The following RNF2 variants were observed in gnomAD, a reference collection of about 807,000 sequenced individuals.
RNF2 encodes the protein E3 ubiquitin-protein ligase RING2.
A neutral mutation model predicts 37.2 loss-of-function variants in RNF2; 6 were observed. That is an observed-to-expected ratio of 0.16 (90% confidence interval 0.09 to 0.32). RNF2 has a LOEUF of 0.32. Among genes scored for constraint, RNF2 ranks in the 10% least tolerant of loss-of-function variants. The pLI is 1.00. For synonymous variants in RNF2, 133 were observed against 132.7 expected (o/e 1.00, Z -0.02); for missense variants, 251 against 404.0 (o/e 0.62, Z 3.25).
intron 1 of RNF2, among the ~76,000 whole-genome samples, chr1:185,073,646 T>A (rs1428786191): frequency 6.6e-6 from 1 of 152,206 alleles, no homozygotes; most frequent in African/African-American, 2.4e-5. Context: ...ATACTGTGGT[T>A]CTAAGGGCTG....
chr1:185,064,074 C>G (rs755483813), intron 1 of RNF2, among the ~76,000 whole-genome samples: 1 of 152,124 alleles, frequency 6.6e-6, no homozygotes, highest in Non-Finnish European at 1.5e-5. Flanking sequence ...CTTTGGGGAC[C>G]TATTATTCAC....
At chr1:185,065,848 G>C (rs867075940) in intron 1 of RNF2, among the ~76,000 whole-genome samples, 10 of 152,126 alleles carry the variant, frequency 6.6e-5, no homozygotes, top group African/African-American at 2.2e-4. Flanking sequence ...CAATTTGGAT[G>C]CTTTTTATTT....
intron 2 of RNF2, among the ~76,000 whole-genome samples, chr1:185,087,926 A>G (rs1008781054): frequency 2.0e-4 from 30 of 152,202 alleles, no homozygotes; most frequent in African/African-American, 5.5e-4. Flanking sequence ...TAAAATTCAC[A>G]TGTGAGAAGT....
chr1:185,062,952 T>C (rs1284562096), intron 1 of RNF2, among the ~76,000 whole-genome samples: 3 of 152,142 alleles, frequency 2.0e-5, no homozygotes, highest in African/African-American at 4.8e-5. Context: ...AAAATGTTGC[T>C]CTTCCCTAAT....
intron 2 of RNF2, among the ~76,000 whole-genome samples, chr1:185,089,877 A>G (rs1324792786): frequency 1.3e-5 from 2 of 151,858 alleles, no homozygotes; most frequent in African/African-American, 4.8e-5. Context: ...TAAAAGTACA[A>G]AAAATTAGCC....
chr1:185,088,884 A>G (rs988902688), intron 2 of RNF2, among the ~76,000 whole-genome samples: 3 of 152,204 alleles, frequency 2.0e-5, no homozygotes, highest in African/African-American at 7.2e-5. Context: ...TTAAAGCAGC[A>G]TGCCCAGGGA....
At chr1:185,060,736 A>G (rs1044778476) in intron 1 of RNF2, among the ~76,000 whole-genome samples, 4 of 152,186 alleles carry the variant, frequency 2.6e-5, no homozygotes, top group African/African-American at 9.6e-5. Flanking sequence ...CTTGGAGAAG[A>G]TGAAAAAATC....
intron 1 of RNF2, among the ~76,000 whole-genome samples, chr1:185,064,683 C>T (rs1650747111): frequency 6.8e-6 from 1 of 147,330 alleles, no homozygotes. Flanking sequence ...TTATTGTTAT[C>T]TTAATAATAT....
chr1:185,062,884 AAAC>A (rs1159145204), intron 1 of RNF2, among the ~76,000 whole-genome samples: 1 of 152,122 alleles, frequency 6.6e-6, no homozygotes, highest in Non-Finnish European at 1.5e-5. Flanking sequence ...TTGCCAATTA[AAAC>A]AACAAAGAAG....
In RNF2 at chr1:185,098,165, C is replaced by T; in HGVS notation, c.558C>T (p.Ser186=). 6 of 1,614,190 alleles carry T rather than the reference C, an allele frequency of 3.7e-6. No homozygotes were observed. The highest frequency in any genetic ancestry group is 5.1e-6 in the Non-Finnish European group (6 of 1,180,016). ...ACTGCAGTAATGCATCCACACATAG[C>T]AATCAGGAAGCAGGCCCTAGTAACA... ...SSHCSNASTH[S]NQEAGPSNKR... is the part of the protein sequence containing the mutation. Residue 186 remains serine (S), a synonymous_variant, in exon 5 of 7, where the codon AGC becomes AGT. Transcript: ENST00000367510.
chr1:185,092,073 C>T (rs974416762), intron 3 of RNF2: 1 of 187,046 alleles, frequency 5.3e-6, no homozygotes, highest in East Asian at 1.3e-4. Context: ...AGGTAATCCA[C>T]CCGCCTCAGT....
chr1:185,079,667 C>T (rs1366755835), intron 1 of RNF2, among the ~76,000 whole-genome samples: 1 of 152,124 alleles, frequency 6.6e-6, no homozygotes, highest in African/African-American at 2.4e-5. Context: ...TGGTGGCTCA[C>T]GCCTGTAATC....
rs369972542 is a variant in RNF2, at chr1:185,091,671, C to T, written c.180C>T (p.Asn60=). 3.7e-5 allele frequency: 60 copies of T among 1,614,168 alleles called. No homozygotes were observed. The highest frequency in any genetic ancestry group is 3.3e-4 in the Middle Eastern group (2 of 6,062). ...MCPICLDMLK[N]TMTTKECLHR... is the part of the protein sequence containing the mutation. ...CAATTTGTTTGGATATGTTGAAGAA[C>T]ACCATGACTACAAAGGAGTGTTTAC... Residue 60 remains asparagine (N), a synonymous_variant, in exon 3 of 7, where the codon AAC becomes AAT. Transcript: ENST00000367510.
At chr1:185,049,591 G>C (rs1478585337) in intron 1 of RNF2, among the ~76,000 whole-genome samples, 1 of 151,656 alleles carries the variant, frequency 6.6e-6, no homozygotes, top group Non-Finnish European at 1.5e-5. Context: ...CAATGTGCTA[G>C]GGTACAGTAG....
At chr1:185,077,346 A>C (rs1651199065) in intron 1 of RNF2, among the ~76,000 whole-genome samples, 1 of 150,966 alleles carries the variant, frequency 6.6e-6, no homozygotes, top group Non-Finnish European at 1.5e-5. Context: ...TCCTACCATA[A>C]CATGACGTAG....
intron 1 of RNF2, among the ~76,000 whole-genome samples, chr1:185,076,308 T>TTTTTTTTTTTTG (rs1431777673): frequency 1.8e-5 from 2 of 113,244 alleles, no homozygotes; most frequent in Admixed American, 1.0e-4. Flanking sequence ...TTTTTTTTTT[T>TTTTTTTTTTTTG]GAGACAGAGT....
chr1:185,083,939 T>TA (rs750661158), intron 1 of RNF2, among the ~76,000 whole-genome samples: 2,762 of 126,074 alleles, frequency 0.022, 64 homozygotes, highest in African/African-American at 0.052. Flanking sequence ...GTCTTTTCCT[T>TA]AAAAAAAAAA....
intron 1 of RNF2, among the ~76,000 whole-genome samples, chr1:185,085,150 T>TC (rs1377246590): frequency 1.5e-4 from 21 of 141,958 alleles, no homozygotes; most frequent in African/African-American, 5.3e-4. Flanking sequence ...TTTTTCTTTT[T>TC]TTTTTTTTTT....
At chr1:185,088,525 C>T (rs1305839690) in intron 2 of RNF2, among the ~76,000 whole-genome samples, 1 of 149,090 alleles carries the variant, frequency 6.7e-6, no homozygotes, top group Non-Finnish European at 1.5e-5. Context: ...CATTGCACTC[C>T]AGCCTGGGCG....
Sources: allele counts gnomAD v4.1 joint callset (sites outside exome capture counted in the v4.1 genomes callset), GRCh38; gene constraint gnomAD v4.1.1; transcripts MANE v1.5; gene names NCBI Gene and HGNC (gene_info 2026-07-23, HGNC 2026-07-21).